The following STARD13 variants were observed in gnomAD, a reference collection of about 807,000 sequenced individuals.
STARD13 encodes the protein StAR related lipid transfer domain containing 13.
A neutral mutation model predicts 106.4 loss-of-function variants in STARD13; 62 were observed. The ratio of observed to expected loss-of-function variants is 0.58; its 90% confidence interval spans 0.48 to 0.72. The LOEUF (loss-of-function observed/expected upper bound fraction) is 0.72, where lower values mean the gene tolerates loss of function less well. STARD13 is among the 30% of genes least tolerant of loss of function. The pLI is 0.00. For missense variants in STARD13, 1,387 were observed against 1,424.0 expected, an observed-to-expected ratio of 0.97 and a Z score of 0.42; for synonymous variants, 565 against 553.0, an observed-to-expected ratio of 1.02 and a Z score of -0.31.
At chr13:33,544,562 C>T in the STARD13 span, among the ~76,000 whole-genome samples, 3 of 152,080 alleles carry the variant, frequency 2.0e-5, no homozygotes, top group African/African-American at 7.2e-5. Context: ...ATTTAAATCA[C>T]TGCTATTTTG....
chr13:33,264,927 T>C (rs542064946), intron 1 of STARD13, among the ~76,000 whole-genome samples: 1 of 152,218 alleles, frequency 6.6e-6, no homozygotes, highest in South Asian at 2.1e-4. Flanking sequence ...TGGCCTGGAT[T>C]TGAGGGAAAT....
downstream of STARD13, among the ~76,000 whole-genome samples, chr13:33,345,542 T>C (rs547008869): frequency 6.6e-6 from 1 of 152,246 alleles, no homozygotes; most frequent in Admixed American, 6.5e-5. Flanking sequence ...ATTATTGTAA[T>C]AATGGATACT....
chr13:33,601,726 T>A, the STARD13 span, among the ~76,000 whole-genome samples: 1 of 152,180 alleles, frequency 6.6e-6, no homozygotes, highest in Non-Finnish European at 1.5e-5. Flanking sequence ...CCACACTTCC[T>A]GCTCCTCCTC....
At chr13:33,267,306 A>T (rs1890943479) in intron 1 of STARD13, among the ~76,000 whole-genome samples, 1 of 152,162 alleles carries the variant, frequency 6.6e-6, no homozygotes, top group Non-Finnish European at 1.5e-5. Flanking sequence ...TCCTCCCTCA[A>T]TCTCCCAGTA....
chr13:33,420,822 A>G, the STARD13 span, among the ~76,000 whole-genome samples: 1 of 152,236 alleles, frequency 6.6e-6, no homozygotes, highest in Non-Finnish European at 1.5e-5. Context: ...GCACAACCAC[A>G]TGGAAACTGA....
At chr13:33,241,631 A>C (rs1889507367) in intron 1 of STARD13, among the ~76,000 whole-genome samples, 1 of 141,156 alleles carries the variant, frequency 7.1e-6, no homozygotes, top group Non-Finnish European at 1.5e-5. Context: ...AACTCACTGC[A>C]ACCTCCCTGC....
the STARD13 span, among the ~76,000 whole-genome samples, chr13:33,464,024 C>CATATATATAT: frequency 2.5e-3 from 279 of 112,460 alleles, 2 homozygotes; most frequent in East Asian, 5.4e-3. Context: ...AAAAAAAATA[C>CATATATATAT]ATATATATAT....
chr13:33,668,921 G>A, the STARD13 span, among the ~76,000 whole-genome samples: 84 of 152,302 alleles, frequency 5.5e-4, no homozygotes, highest in African/African-American at 1.7e-3. Context: ...GTGCTAAGTA[G>A]TTTACCACAT....
At chr13:33,227,380 C>G (rs2138197964) in intron 1 of STARD13, among the ~76,000 whole-genome samples, 1 of 152,304 alleles carries the variant, frequency 6.6e-6, no homozygotes, top group Non-Finnish European at 1.5e-5. Flanking sequence ...GAACTACTTT[C>G]CATATCAATA....
At position 33,129,563 on chromosome 13, in the gene STARD13, C is replaced by T; in HGVS notation, c.1114G>A (p.Gly372Arg). 1 of 1,614,170 alleles carries T rather than the reference C, an allele frequency of 6.2e-7. No homozygotes were observed. Among genetic ancestry groups the T allele is most frequent in the Non-Finnish European group, 8.5e-7 (1 of 1,180,036 alleles). ...TCCCCTGCATCCGGCAGTGCTGTCC[C>T]CGCCAGCACATCTAGGTCCTCCAAG... is the stretch of plus-strand genomic sequence containing the variant. ...MYLEDLDVLA[G>R]TALPDAGDQS... The change falls in exon 5 of 14, where the codon GGG (glycine) becomes AGG (arginine). Residue 372 changes from glycine (G) to arginine (R), a missense_variant. Gly to Arg is a moderately radical substitution (Grantham distance 125). Transcript: ENST00000336934.
At chr13:33,316,178 C>T (rs61696293) in intron 1 of STARD13, among the ~76,000 whole-genome samples, 3,395 of 152,288 alleles carry the variant, frequency 0.022, 137 homozygotes, top group African/African-American at 0.078. Flanking sequence ...ACCTAATCTT[C>T]TCTAATTCTC....
intron 1 of STARD13, among the ~76,000 whole-genome samples, chr13:33,175,521 A>C (rs1047351942): frequency 6.6e-6 from 1 of 152,140 alleles, no homozygotes; most frequent in South Asian, 2.1e-4. Context: ...TCTCTAATTC[A>C]GTTTCTCCAG....
the STARD13 span, among the ~76,000 whole-genome samples, chr13:33,671,940 A>G: frequency 1.3e-5 from 2 of 152,190 alleles, no homozygotes; most frequent in Non-Finnish European, 1.5e-5. Context: ...TAGTTCAACC[A>G]TTGTGGAAGA....
At chr13:33,464,168 G>A in the STARD13 span, among the ~76,000 whole-genome samples, 4 of 151,630 alleles carry the variant, frequency 2.6e-5, no homozygotes, top group Non-Finnish European at 4.4e-5. Context: ...GCCAGTAGGG[G>A]GCTGAGAGAG....
intron 9 of STARD13, 132 bp downstream of exon 9, chr13:33,112,589 C>CCTAT (rs145139325): frequency 1.8e-5 from 13 of 729,368 alleles, no homozygotes; most frequent in Middle Eastern, 2.8e-4. Flanking sequence ...TATCTACCTA[C>CCTAT]CTATCTATCT....
intron 4 of STARD13, among the ~76,000 whole-genome samples, chr13:33,135,860 T>C (rs494586): frequency 0.33 from 49,461 of 151,950 alleles, 8,724 homozygotes; most frequent in Non-Finnish European, 0.41. Context: ...TAGTGGCTCA[T>C]GCCTGTAATC....
chr13:33,122,901 A>G (rs2138128075), intron 7 of STARD13, among the ~76,000 whole-genome samples: 1 of 152,124 alleles, frequency 6.6e-6, no homozygotes, highest in African/African-American at 2.4e-5. Flanking sequence ...TTAAAAATAC[A>G]AAAATTAGCT....
At position 33,110,030 on chromosome 13, in the gene STARD13, A is replaced by T; in HGVS notation, c.2890T>A (p.Ser964Thr). 1 of 1,614,182 alleles carries T rather than the reference A, an allele frequency of 6.2e-7. No individual in the cohort carries two copies. ...CTCAGCACGCGGTTCAGGACCACTG[A>T]GGGGGGTGCTTCCACCTCCACAGAA... is the stretch of plus-strand genomic sequence containing the variant. The part of the protein sequence containing the change: ...KASVEVEAPP[S>T]VVLNRVLRER... Residue 964 changes from serine to threonine, a missense_variant, in exon 12 of 14, where the codon TCA becomes ACA. Ser to Thr is a moderately conservative substitution (Grantham distance 58). Transcript: ENST00000336934.
intron 1 of STARD13, among the ~76,000 whole-genome samples, chr13:33,219,606 A>C (rs1428289907): frequency 6.9e-6 from 1 of 145,400 alleles, no homozygotes; most frequent in African/African-American, 2.6e-5. Context: ...CAGAGGCGGG[A>C]GGATCACTTG....
Sources: gnomAD v4.1 joint callset for allele counts (sites outside exome capture counted in the v4.1 genomes callset) on GRCh38, gnomAD v4.1.1 for gene constraint, MANE v1.5 for transcripts, NCBI Gene and HGNC (gene_info 2026-07-23, HGNC 2026-07-21) for gene names.